MAN1A2: variants seen among roughly 807,000 people sequenced by gnomAD.
MAN1A2 encodes mannosidase alpha class 1A member 2, also known as mannosyl-oligosaccharide 1,2-alpha-mannosidase IB.
MAN1A2 carries 26 observed loss-of-function variants against 75.7 expected under a neutral mutation model. The observed-to-expected ratio is 0.34, with a 90% confidence interval of 0.25 to 0.48. The LOEUF is 0.48. Ranked by LOEUF, MAN1A2 falls within the 20% of genes least tolerant of loss-of-function variation. MAN1A2 has a pLI of 0.99. For synonymous variants in MAN1A2, 247 were observed against 264.6 expected, an observed-to-expected ratio of 0.93 and a Z score of 0.65; for missense variants, 562 against 775.5, an observed-to-expected ratio of 0.72 and a Z score of 3.27.
intron 8 of MAN1A2, among the ~76,000 whole-genome samples, chr1:117,468,581 A>G (rs1650049632): frequency 6.6e-6 from 1 of 152,160 alleles, no homozygotes; most frequent in African/African-American, 2.4e-5. Context: ...TGTTGCTAGT[A>G]TGGTTGTGGA....
At chr1:117,413,266 T>A (rs879568882) in intron 3 of MAN1A2, among the ~76,000 whole-genome samples, 1 of 151,886 alleles carries the variant, frequency 6.6e-6, no homozygotes, top group Non-Finnish European at 1.5e-5. Context: ...AGAAGATAGA[T>A]GTATTGATAA....
At chr1:117,447,916 G>A (rs1570751996) in intron 6 of MAN1A2, among the ~76,000 whole-genome samples, 1 of 151,982 alleles carries the variant, frequency 6.6e-6, no homozygotes, top group Non-Finnish European at 1.5e-5. Context: ...GCTCTTTTTT[G>A]ATTCCATATG....
chr1:117,437,570 G>C (rs1404191949), intron 5 of MAN1A2, among the ~76,000 whole-genome samples: 1 of 151,844 alleles, frequency 6.6e-6, no homozygotes, highest in Non-Finnish European at 1.5e-5. Flanking sequence ...TGTGTGTGTG[G>C]TCAAGAACAT....
At chr1:117,441,127 G>A (rs1649015889) in intron 5 of MAN1A2, among the ~76,000 whole-genome samples, 1 of 152,102 alleles carries the variant, frequency 6.6e-6, no homozygotes, top group Non-Finnish European at 1.5e-5. Flanking sequence ...AGGGAACTTT[G>A]GAACATCTTA....
At chr1:117,401,186 T>G (rs561093910) in intron 1 of MAN1A2, among the ~76,000 whole-genome samples, 1 of 151,978 alleles carries the variant, frequency 6.6e-6, no homozygotes, top group South Asian at 2.1e-4. Context: ...TCTTTATTTC[T>G]CTGAGATAAA....
At chr1:117,368,770 G>A (rs1171859382) in intron 1 of MAN1A2, among the ~76,000 whole-genome samples, 1 of 152,128 alleles carries the variant, frequency 6.6e-6, no homozygotes, top group Non-Finnish European at 1.5e-5. Flanking sequence ...GTCTAATGTG[G>A]ACATCTGGGA....
intron 8 of MAN1A2, among the ~76,000 whole-genome samples, chr1:117,481,633 G>T (rs534369236): frequency 6.6e-6 from 1 of 152,062 alleles, no homozygotes; most frequent in African/African-American, 2.4e-5. Context: ...TGACAAGTTG[G>T]CTGAAGGCTA....
At chr1:117,460,647 TAA>T (rs746965298) in intron 7 of MAN1A2, 35 bp downstream of exon 7, 1 of 1,563,164 alleles carries the variant, frequency 6.4e-7, no homozygotes. Flanking sequence ...TTGTTTGTTA[TAA>T]AGAGTCCTTT....
intron 5 of MAN1A2, among the ~76,000 whole-genome samples, chr1:117,437,046 T>G (rs1236780042): frequency 1.3e-5 from 2 of 152,208 alleles, no homozygotes; most frequent in Non-Finnish European, 2.9e-5. Flanking sequence ...TGCAGTGACC[T>G]TCACTTGGTT....
intron 8 of MAN1A2, 137 bp downstream of exon 8, chr1:117,466,564 T>C: frequency 1.9e-6 from 1 of 525,790 alleles, no homozygotes. Flanking sequence ...GTGCTGTTCT[T>C]AGGCATGTTT....
intron 1 of MAN1A2, among the ~76,000 whole-genome samples, chr1:117,379,886 CTGCTGTTGGGCATT>C: frequency 6.6e-6 from 1 of 152,164 alleles, no homozygotes; most frequent in African/African-American, 2.4e-5. Flanking sequence ...ATACATTAAT[CTGCTGTTGGGCATT>C]TGGGTTGTTT....
chr1:117,490,101 T>C (rs1488029450), intron 8 of MAN1A2, among the ~76,000 whole-genome samples: 1 of 152,022 alleles, frequency 6.6e-6, no homozygotes, highest in Non-Finnish European at 1.5e-5. Flanking sequence ...GAAGTAAGAA[T>C]ATATCTAGGA....
Position 117,523,663 on chromosome 1 carries a change from C to T in MAN1A2, c.*706C>T, listed in dbSNP as rs1271537310. ...TCAAGTCTTTTTCTTCTTATGGAAT[C>T]ATCGAAACTGCTATTTATCATAATC... On this transcript the variant is annotated 3_prime_UTR_variant, in exon 13 of 13. Coordinates refer to ENST00000356554, the MANE Select transcript of MAN1A2 (RefSeq NM_006699.5). The T allele has an allele frequency of 6.2e-6, 1 of 161,118 alleles. No individual in the cohort carries two copies. The highest frequency in any genetic ancestry group is 1.4e-5 in the Non-Finnish European group (1 of 73,858). The allele number at this position is 161,118 out of a possible 1,614,324, so 10.0% of individuals were successfully genotyped here.
At chr1:117,504,586 ATGT>A (rs1651293498) in intron 12 of MAN1A2, among the ~76,000 whole-genome samples, 1 of 151,446 alleles carries the variant, frequency 6.6e-6, no homozygotes, top group East Asian at 1.9e-4. Flanking sequence ...TCATATAATA[ATGT>A]TGTCTAATAT....
chr1:117,524,888 A>G lies in MAN1A2; in HGVS notation c.*1931A>G. The G allele has an allele frequency of 3.1e-6, 1 of 320,472 alleles. No individual in the cohort carries two copies. Among genetic ancestry groups the G allele is most frequent in the East Asian group, 7.5e-5 (1 of 13,396 alleles). 19.9% of individuals were successfully genotyped at this position (320,472 alleles called of 1,614,324 possible). ...TATATTACTGTAACTGTAGAAGGGAAAAGGGAAAGTATTTGGTTCTAAAAA... is the reference window on the plus strand; with the variant it reads ...TATATTACTGTAACTGTAGAAGGGAGAAGGGAAAGTATTTGGTTCTAAAAA... On this transcript the variant is annotated 3_prime_UTR_variant, in exon 13 of 13. Transcript: ENST00000356554.
At chr1:117,420,772 T>A (rs1648159939) in intron 5 of MAN1A2, 123 bp downstream of exon 5, 1 of 683,520 alleles carries the variant, frequency 1.5e-6, no homozygotes, top group African/African-American at 1.8e-5. Flanking sequence ...AGTCTAGAAC[T>A]GGTTGCTTCA....
chr1:117,511,444 G>A (rs1476578154), intron 12 of MAN1A2, among the ~76,000 whole-genome samples: 1 of 151,904 alleles, frequency 6.6e-6, no homozygotes, highest in African/African-American at 2.4e-5. Flanking sequence ...CAAAGTGCTG[G>A]GACTACAGGT....
At chr1:117,401,066 T>G (rs1009934234) in intron 1 of MAN1A2, among the ~76,000 whole-genome samples, 46 of 152,100 alleles carry the variant, frequency 3.0e-4, no homozygotes, top group Non-Finnish European at 2.6e-4. Context: ...ACTTTTTGTC[T>G]CTAGGGTTTT....
intron 2 of MAN1A2, among the ~76,000 whole-genome samples, chr1:117,405,162 G>C (rs1647573033): frequency 6.6e-6 from 1 of 152,180 alleles, no homozygotes; most frequent in Admixed American, 6.6e-5. Context: ...GTTGATCTCT[G>C]GTCTAAGGAT....
Sources: gnomAD v4.1 joint callset for allele counts (sites outside exome capture counted in the v4.1 genomes callset) on GRCh38, gnomAD v4.1.1 for gene constraint, MANE v1.5 for transcripts, NCBI Gene and HGNC (gene_info 2026-07-23, HGNC 2026-07-21) for gene names.